GSK3B: variants seen among roughly 807,000 people sequenced by gnomAD.
GSK3B encodes the protein glycogen synthase kinase-3 beta.
A neutral mutation model predicts 56.4 loss-of-function variants in GSK3B; 15 were observed. That is an observed-to-expected ratio of 0.27 (90% confidence interval 0.18 to 0.41). The LOEUF is 0.41. GSK3B is among the 10% of genes least tolerant of loss of function. The probability of loss-of-function intolerance (pLI) is 1.00; values close to 1 mark genes in which losing one functional copy is unlikely to be tolerated. For missense variants in GSK3B, 300 were observed against 513.4 expected (o/e 0.58, Z 4.02); for synonymous variants, 181 against 188.9 (o/e 0.96, Z 0.34).
At chr3:119,956,715 T>C (rs1426946607) in intron 2 of GSK3B, among the ~76,000 whole-genome samples, 1 of 152,078 alleles carries the variant, frequency 6.6e-6, no homozygotes, top group Admixed American at 6.6e-5. Flanking sequence ...ACGTAAGCCT[T>C]AGGAAAGGTG....
At chr3:120,023,569 T>C (rs1328023728) in intron 1 of GSK3B, among the ~76,000 whole-genome samples, 13 of 152,118 alleles carry the variant, frequency 8.5e-5, no homozygotes, top group Non-Finnish European at 1.8e-4. Context: ...ATCTGACCTA[T>C]TACTCTTAAG....
chr3:119,960,804 TATTC>T (rs1456375353), intron 2 of GSK3B, among the ~76,000 whole-genome samples: 1 of 152,190 alleles, frequency 6.6e-6, no homozygotes, highest in Non-Finnish European at 1.5e-5. Context: ...TTTGCATATT[TATTC>T]ATTATTGTCC....
At chr3:119,990,154 G>A (rs2057550876) in intron 2 of GSK3B, among the ~76,000 whole-genome samples, 1 of 152,034 alleles carries the variant, frequency 6.6e-6, no homozygotes, top group Admixed American at 6.6e-5. Context: ...CCAGAGACAT[G>A]CTAGCCCCGA....
chr3:119,914,456 C>A (rs1487891057), intron 5 of GSK3B, among the ~76,000 whole-genome samples: 2 of 152,084 alleles, frequency 1.3e-5, no homozygotes, highest in East Asian at 3.9e-4. Flanking sequence ...AACAGAAGCT[C>A]TTCTAACCTT....
At chr3:119,946,626 G>A (rs1254506837) in intron 3 of GSK3B, among the ~76,000 whole-genome samples, 1 of 152,156 alleles carries the variant, frequency 6.6e-6, no homozygotes, top group Non-Finnish European at 1.5e-5. Flanking sequence ...AAAAACAGAA[G>A]AAATTTATTT....
chr3:120,023,130 T>G (rs1335279271), intron 1 of GSK3B, among the ~76,000 whole-genome samples: 2 of 151,958 alleles, frequency 1.3e-5, no homozygotes, highest in Non-Finnish European at 2.9e-5. Context: ...AGCCCAAGTC[T>G]GCTAGCTGTG....
chr3:120,009,707 G>A (rs1183835028), intron 1 of GSK3B, among the ~76,000 whole-genome samples: 1 of 152,006 alleles, frequency 6.6e-6, no homozygotes, highest in Non-Finnish European at 1.5e-5. Context: ...GGGGCTAGGG[G>A]AGACATAACA....
At chr3:120,036,250 A>G (rs904890453) in intron 1 of GSK3B, among the ~76,000 whole-genome samples, 1 of 152,234 alleles carries the variant, frequency 6.6e-6, no homozygotes, top group Non-Finnish European at 1.5e-5. Flanking sequence ...TAAATGACTA[A>G]AACTGGTATG....
chr3:120,026,289 A>G (rs1314481386), intron 1 of GSK3B, among the ~76,000 whole-genome samples: 1 of 152,172 alleles, frequency 6.6e-6, no homozygotes, highest in East Asian at 1.9e-4. Flanking sequence ...TAAAGGAGAA[A>G]GAGTTATTTG....
rs2055448487 is a variant in GSK3B at position 119,823,531 on chromosome 3, G to T, written c.*3257C>A. 1 of 188,596 alleles carries T rather than the reference G, an allele frequency of 5.3e-6. No individual in the cohort carries two copies. The highest frequency in any genetic ancestry group is 2.3e-5 in the African/African-American group (1 of 42,960). 11.7% of individuals were successfully genotyped at this position (188,596 alleles called of 1,614,324 possible). A position where few individuals can be genotyped will look rare whatever the true frequency, so the allele number is the denominator to read the frequency against. ...GTAGATAAAAGAGGAGAGAGAGAGA[G>T]CATGGAAGGCTCCCAGAATCTGCTG... On this transcript the variant is annotated 3_prime_UTR_variant, in exon 11 of 11. Coordinates refer to ENST00000264235, the MANE Select transcript of GSK3B (RefSeq NM_001146156.2).
intron 1 of GSK3B, among the ~76,000 whole-genome samples, chr3:120,067,448 A>C (rs962963595): frequency 1.3e-5 from 2 of 152,196 alleles, no homozygotes; most frequent in South Asian, 2.1e-4. Flanking sequence ...CCAACACTTA[A>C]TTTAGCCTAT....
At position 120,044,697 on chromosome 3, in the gene GSK3B, C is replaced by T. The variant is rs561123285; in HGVS notation, c.89-42458G>A. Among the ~76,000 whole-genome samples, 49 of 152,224 alleles carry T rather than the reference C, an allele frequency of 3.2e-4. No homozygotes were observed. In the South Asian group the frequency reaches 6.2e-3, roughly 19 times the overall value. Reference sequence around the variant, plus strand: ...AGATTACATCTATTATAATCAGCAGCGATTTATTAATTACACCAGAGATGC... The same window carrying T: ...AGATTACATCTATTATAATCAGCAGTGATTTATTAATTACACCAGAGATGC... On this transcript the variant is annotated intron_variant, in intron 1 of 10. Coordinates refer to ENST00000264235, the MANE Select transcript of GSK3B (RefSeq NM_001146156.2).
Position 120,067,194 on chromosome 3 carries a change from G to A in GSK3B, c.88+26153C>T, listed in dbSNP as rs149909015. On this transcript the variant is annotated intron_variant, in intron 1 of 10. Transcript: ENST00000264235. ...GATGGGGAACTTTATAATACATAAA[G>A]GATCTCTTCAAAAGAATAGACGCAG... Among the ~76,000 whole-genome samples, 1,310 of 147,810 alleles carry A rather than the reference G, an allele frequency of 8.9e-3. 14 individuals carry two copies. Among genetic ancestry groups the A allele is most frequent in the African/African-American group, 0.032 (1,252 of 39,476 alleles).
chr3:120,075,524 T>A (rs146201910), intron 1 of GSK3B, among the ~76,000 whole-genome samples: 9 of 152,314 alleles, frequency 5.9e-5, no homozygotes, highest in African/African-American at 1.9e-4. Flanking sequence ...TTGAATAAAT[T>A]AATTTAGTAA....
chr3:119,830,878 C>T (rs2055587764), intron 10 of GSK3B, among the ~76,000 whole-genome samples: 2 of 152,088 alleles, frequency 1.3e-5, no homozygotes, highest in Admixed American at 6.6e-5. Flanking sequence ...GTGCTTAGCA[C>T]AGTATCTGGC....
intron 2 of GSK3B, 125 bp from the exon 3 acceptor site, chr3:119,947,476 T>C: frequency 1.5e-6 from 1 of 658,818 alleles, no homozygotes; most frequent in Non-Finnish European, 2.7e-6. Flanking sequence ...TACTAAAAAG[T>C]GTGATCTGTA....
chr3:119,978,113 C>T (rs1415251129), intron 2 of GSK3B, among the ~76,000 whole-genome samples: 1 of 152,092 alleles, frequency 6.6e-6, no homozygotes, highest in Non-Finnish European at 1.5e-5. Flanking sequence ...TAAGAAACTG[C>T]CTAAATCCAA....
At chr3:119,848,557 A>G (rs1226110343) in intron 9 of GSK3B, among the ~76,000 whole-genome samples, 3 of 152,134 alleles carry the variant, frequency 2.0e-5, no homozygotes, top group Non-Finnish European at 4.4e-5. Flanking sequence ...TCATCACCCC[A>G]AAGGGAAACA....
intron 2 of GSK3B, among the ~76,000 whole-genome samples, chr3:119,965,879 A>AT (rs1237701134): frequency 1.3e-5 from 2 of 151,818 alleles, no homozygotes; most frequent in Non-Finnish European, 3.0e-5. Flanking sequence ...ACTCTCCTCA[A>AT]TAAAGCCCTA....
Sources: gnomAD v4.1 joint callset for allele counts (sites outside exome capture counted in the v4.1 genomes callset) on GRCh38, gnomAD v4.1.1 for gene constraint, MANE v1.5 for transcripts, NCBI Gene and HGNC (gene_info 2026-07-23, HGNC 2026-07-21) for gene names.